TPPP2: variants seen among roughly 807,000 people sequenced by gnomAD.
The protein encoded by TPPP2 is tubulin polymerization promoting protein family member 2, also known as tubulin polymerization-promoting protein family member 2.
In TPPP2, 8 loss-of-function variants were observed where a neutral mutation model predicts 13.0. The ratio of observed to expected loss-of-function variants is 0.62; its 90% CI spans 0.36 to 1.11. The LOEUF (loss-of-function observed/expected upper bound fraction) is 1.11, where lower values mean the gene tolerates loss of function less well. Among genes scored for constraint, TPPP2 ranks in the 50% most tolerant of loss-of-function variants. TPPP2 has a pLI of 0.02. For synonymous variants in TPPP2, 81 were observed against 81.8 expected (o/e 0.99, Z 0.05); for missense variants, 213 against 216.9 (o/e 0.98, Z 0.11).
chr14:21,031,084 CA>C lies in TPPP2; in HGVS notation c.249del (p.Lys85ArgfsTer36). ...TGAAGGAACTGGGCCAGAAGCGCTT[CA>C]AAGGGAAGAGTCCAGATGAAGTCCT... ...AVKELGQKRF[K>X]GKSPDEVLEN... On this transcript the variant is annotated frameshift_variant, in exon 3 of 4. Transcript: ENST00000321760. LOFTEE classifies it high-confidence loss of function. The C allele has an allele frequency of 6.2e-7, 1 of 1,614,148 alleles. No individual in the cohort carries two copies. Among genetic ancestry groups the C allele is most frequent in the South Asian group, 1.1e-5 (1 of 91,086 alleles).
chr14:21,024,513 G>C (rs1045929357), intron 1 of TPPP2: 2 of 985,210 alleles, frequency 2.0e-6, no homozygotes, highest in Non-Finnish European at 2.4e-6. Flanking sequence ...TCTCCAGTAA[G>C]AGGAGGGTAG....
At position 21,032,249 on chromosome 14, in the gene TPPP2, C is replaced by T. The variant is rs1884259829; in HGVS notation, c.*172C>T. On this transcript the variant is annotated 3_prime_UTR_variant, in exon 4 of 4. Transcript: ENST00000321760. ...AAGAGGCAGCACAGGAGGGTGGGTT[C>T]TCCACCACACACCCTTCGCTCTGCT... The T allele has an allele frequency of 1.4e-6, 1 of 722,392 alleles. No homozygotes were observed. The highest frequency in any genetic ancestry group is 2.5e-6 in the Non-Finnish European group (1 of 405,410). The allele number at this position is 722,392 out of a possible 1,614,324, so 44.7% of individuals were successfully genotyped here.
At chr14:21,031,436 G>C (rs967188637) in intron 3 of TPPP2, among the ~76,000 whole-genome samples, 1 of 152,170 alleles carries the variant, frequency 6.6e-6, no homozygotes, top group Non-Finnish European at 1.5e-5. Flanking sequence ...GCTTTTGGAG[G>C]ACATTAGTGT....
chr14:21,031,246 T>C lies in TPPP2; in HGVS notation c.327+81T>C. The stretch of plus-strand genomic sequence containing the variant: ...GTCTACCCTCCCTAACCCTGCCAAC[T>C]GTGTGACTGTAGAGACAGGGCCGAA... On this transcript the variant is annotated intron_variant, in intron 3 of 3. Transcript: ENST00000321760. 2.0e-6 allele frequency: 3 copies of C among 1,530,614 alleles called. No homozygotes were observed. In the South Asian group the frequency reaches 3.8e-5, roughly 20 times the overall value. 94.8% of individuals were successfully genotyped at this position (1,530,614 alleles called of 1,614,324 possible).
In TPPP2 at chr14:21,030,754, A is replaced by T; in HGVS notation, c.173A>T (p.Lys58Met). 6.2e-7 allele frequency: 1 copy of T among 1,613,572 alleles called. No individual in the cohort carries two copies. Among genetic ancestry groups the T allele is most frequent in the South Asian group, 1.1e-5 (1 of 90,988 alleles). Reference sequence around the variant, plus strand: ...GTGGACATCGTGTTCAGCAAAGTCAAGTGAGGAGCCAAAAATATGGAGGTG... The same window carrying T: ...GTGGACATCGTGTTCAGCAAAGTCATGTGAGGAGCCAAAAATATGGAGGTG... The part of the protein sequence containing the change: ...TDVDIVFSKV[K>M]AKNARTITFQ... The change falls in exon 2 of 4, where the codon AAG (lysine) becomes ATG (methionine). Residue 58 changes from lysine to methionine, a missense_variant and splice_region_variant. Lys to Met is a moderately conservative substitution (Grantham distance 95). Transcript: ENST00000321760.
rs182336208 is a variant in TPPP2 at position 21,030,567 on chromosome 14, G to A, written c.-15G>A. 78 of 1,610,160 alleles carry A rather than the reference G, an allele frequency of 4.8e-5. 1 individual carries two copies. In the East Asian group the frequency reaches 9.8e-4, roughly 20 times the overall value. On this transcript the variant is annotated 5_prime_UTR_variant, in exon 2 of 4. Coordinates refer to ENST00000321760, the MANE Select transcript of TPPP2 (RefSeq NM_173846.5). ...AGTGTCTCCCACGACTGCCCTCCCC[G>A]ACCTCTAGCTGACCATGGCATCAGA...
intron 1 of TPPP2, 99 bp downstream of exon 1, chr14:21,030,403 G>C: frequency 1.6e-6 from 1 of 630,868 alleles, no homozygotes; most frequent in South Asian, 2.0e-5. Context: ...CTGTAGTTGC[G>C]TAGGTGCAAT....
downstream of TPPP2, chr14:21,033,514 TG>T: frequency 2.4e-6 from 1 of 419,498 alleles, no homozygotes; most frequent in Non-Finnish European, 4.4e-6. Flanking sequence ...TCTGGCCCAG[TG>T]GGTGGACAGT....
At chr14:21,025,614 G>C, upstream of TPPP2, 1 of 985,510 alleles carries the variant, frequency 1.0e-6, no homozygotes, top group Non-Finnish European at 1.2e-6. This position sits in a 1 kb window ranked among gnomAD's most constrained non-coding sequence, Gnocchi z 5.1. Flanking sequence ...GCGCCGAAAG[G>C]GGGCACGGGG....
chr14:21,030,602 A>G lies in TPPP2; in HGVS notation c.21A>G (p.Lys7=), dbSNP rs746394184. Residue 7 remains lysine, a synonymous_variant, in exon 2 of 4, where the codon AAA becomes AAG. Transcript: ENST00000321760. MASEAE[K]TFHRFAAFGE... ...TGACCATGGCATCAGAGGCAGAAAA[A>G]ACATTCCATCGGTTTGCTGCGTTTG... 1 of 1,613,758 alleles carries G rather than the reference A, an allele frequency of 6.2e-7. No homozygotes were observed. Among genetic ancestry groups the G allele is most frequent in the Non-Finnish European group, 8.5e-7 (1 of 1,179,938 alleles).
At chr14:21,030,793 C>G (rs1220947926) in intron 2 of TPPP2, 39 bp downstream of exon 2, 1 of 1,605,098 alleles carries the variant, frequency 6.2e-7, no homozygotes, top group East Asian at 2.2e-5. Context: ...GTGAGAAGAA[C>G]CTGCGAGGTA....
chr14:21,030,895 G>C, intron 2 of TPPP2, 117 bp from the exon 3 acceptor site: 2 of 1,506,972 alleles, frequency 1.3e-6, no homozygotes, highest in Middle Eastern at 2.4e-4. Flanking sequence ...CTTTGTCTTC[G>C]AGACACTCAC....
At chr14:21,033,810 C>G, downstream of TPPP2, 1 of 1,565,096 alleles carries the variant, frequency 6.4e-7, no homozygotes, top group Non-Finnish European at 8.8e-7. Flanking sequence ...TGGGGAGTGG[C>G]TCAGGAATTA....
In TPPP2 at chr14:21,030,597, G is replaced by A. The variant is rs143954376; in HGVS notation, c.16G>A (p.Glu6Lys). The change falls in exon 2 of 4, where the codon GAA becomes AAA. Residue 6 changes from glutamate (E) to lysine (K), a missense_variant. Transcript: ENST00000321760. ...CTAGCTGACCATGGCATCAGAGGCAGAAAAAACATTCCATCGGTTTGCTGC... is the reference window on the plus strand; with the variant it reads ...CTAGCTGACCATGGCATCAGAGGCAAAAAAAACATTCCATCGGTTTGCTGC... MASEA[E>K]KTFHRFAAFG... The A allele has an allele frequency of 7.4e-6, 12 of 1,613,750 alleles. No homozygotes were observed. The highest frequency in any genetic ancestry group is 1.0e-5 in the Non-Finnish European group (12 of 1,179,894).
chr14:21,030,482 T>C (rs1883999882), intron 1 of TPPP2, 31 bp from the exon 2 acceptor site: 1 of 1,281,326 alleles, frequency 7.8e-7, no homozygotes, highest in Admixed American at 2.3e-5. Flanking sequence ...TGACTGATTT[T>C]ACCATAACAC....
At chr14:21,035,015 T>C (rs1478903882), downstream of TPPP2, among the ~76,000 whole-genome samples, 2 of 152,266 alleles carry the variant, frequency 1.3e-5, no homozygotes, top group South Asian at 4.1e-4. Context: ...AGCACTGTTA[T>C]GTTTCTGAGG....
At chr14:21,036,260 CTT>C, downstream of TPPP2, 1 of 456,348 alleles carries the variant, frequency 2.2e-6, no homozygotes, top group Non-Finnish European at 4.4e-6. Flanking sequence ...AAATATATCT[CTT>C]ATACAACTTC....
chr14:21,027,817 C>T (rs1883798930), upstream of TPPP2, among the ~76,000 whole-genome samples: 1 of 152,178 alleles, frequency 6.6e-6, no homozygotes, highest in South Asian at 2.1e-4. Flanking sequence ...AGGAAAAGGG[C>T]TTTGTTCCTA....
In TPPP2 at chr14:21,030,629, A is replaced by G; in HGVS notation, c.48A>G (p.Gly16=). The G allele has an allele frequency of 3.1e-6, 5 of 1,613,996 alleles. No homozygotes were observed. The highest frequency in any genetic ancestry group is 4.2e-6 in the Non-Finnish European group (5 of 1,179,990). ...EKTFHRFAAF[G]ESSSSGTEMN... is the part of the protein sequence containing the mutation. ...CATTCCATCGGTTTGCTGCGTTTGG[A>G]GAATCATCAAGCAGTGGCACTGAAA... Residue 16 remains glycine (G), a synonymous_variant, in exon 2 of 4, where the codon GGA becomes GGG. Coordinates refer to ENST00000321760, the MANE Select transcript of TPPP2 (RefSeq NM_173846.5).
Sources: allele counts gnomAD v4.1 joint callset (sites outside exome capture counted in the v4.1 genomes callset), GRCh38; gene constraint gnomAD v4.1.1; non-coding constraint Gnocchi (gnomAD v3.1); transcripts MANE v1.5; gene names NCBI Gene and HGNC (gene_info 2026-07-23, HGNC 2026-07-21).